RAP1GDS1: variants seen among roughly 807,000 people sequenced by gnomAD.
The protein encoded by RAP1GDS1 is Rap1 GTPase-GDP dissociation stimulator 1, also known as RAP1, GTP-GDP dissociation stimulator 1.
In RAP1GDS1, 35 loss-of-function variants were observed where a neutral mutation model predicts 71.1. The observed-to-expected ratio is 0.49, with a 90% CI of 0.38 to 0.65. The LOEUF (loss-of-function observed/expected upper bound fraction) is 0.65. Ranked by LOEUF, RAP1GDS1 falls within the 30% of genes least tolerant of loss-of-function variation. RAP1GDS1 has a pLI of 0.00. For missense variants in RAP1GDS1, 663 were observed against 706.1 expected, an observed-to-expected ratio of 0.94 and a Z score of 0.69; for synonymous variants, 229 against 243.1, an observed-to-expected ratio of 0.94 and a Z score of 0.54.
chr4:98,274,443 C>G (rs1723922100), intron 1 of RAP1GDS1, among the ~76,000 whole-genome samples: 1 of 152,076 alleles, frequency 6.6e-6, no homozygotes, highest in East Asian at 1.9e-4. Context: ...AATGTTTTCC[C>G]TACTGGTTCA....
At chr4:98,344,266 G>A (rs1249967860) in intron 3 of RAP1GDS1, among the ~76,000 whole-genome samples, 1 of 152,148 alleles carries the variant, frequency 6.6e-6, no homozygotes. Context: ...CATCTAAGAA[G>A]CAGATCTAGT....
intron 4 of RAP1GDS1, among the ~76,000 whole-genome samples, chr4:98,370,178 G>A (rs2110464594): frequency 6.6e-6 from 1 of 152,252 alleles, no homozygotes; most frequent in East Asian, 1.9e-4. Context: ...GAAACATAGT[G>A]AGCATTCAGA....
At chr4:98,289,530 C>T (rs568491497) in intron 1 of RAP1GDS1, among the ~76,000 whole-genome samples, 1 of 125,798 alleles carries the variant, frequency 7.9e-6, no homozygotes, top group East Asian at 2.4e-4. Flanking sequence ...AGTTTCTGAT[C>T]GGTTTAGGAC....
At chr4:98,266,482 T>TA (rs1487410108) in intron 1 of RAP1GDS1, among the ~76,000 whole-genome samples, 2 of 152,164 alleles carry the variant, frequency 1.3e-5, no homozygotes, top group African/African-American at 4.8e-5. Flanking sequence ...GTATCAAACT[T>TA]ATAGTCATTT....
At chr4:98,381,199 T>G (rs919008950) in intron 5 of RAP1GDS1, among the ~76,000 whole-genome samples, 4 of 151,570 alleles carry the variant, frequency 2.6e-5, no homozygotes, top group Admixed American at 6.6e-5. Context: ...AGACAAATGG[T>G]CTTTTTCTTC....
chr4:98,290,041 A>G (rs1311445600), intron 1 of RAP1GDS1, among the ~76,000 whole-genome samples: 1 of 152,128 alleles, frequency 6.6e-6, no homozygotes, highest in Non-Finnish European at 1.5e-5. Context: ...GAACTTTTAC[A>G]AGCTCAGTTA....
intron 5 of RAP1GDS1, among the ~76,000 whole-genome samples, chr4:98,389,386 A>G (rs931958449): frequency 6.6e-6 from 1 of 151,962 alleles, no homozygotes; most frequent in Admixed American, 6.6e-5. Flanking sequence ...AACAAATTTT[A>G]GAATTATTTG....
At chr4:98,364,694 AT>A (rs1739218699) in intron 4 of RAP1GDS1, among the ~76,000 whole-genome samples, 1 of 151,798 alleles carries the variant, frequency 6.6e-6, no homozygotes, top group African/African-American at 2.4e-5. Flanking sequence ...AACTTTTTAC[AT>A]TTTTCCAAGT....
chr4:98,359,135 T>C (rs72896356), intron 4 of RAP1GDS1, among the ~76,000 whole-genome samples: 1,902 of 152,162 alleles, frequency 0.012, 42 homozygotes, highest in African/African-American at 0.044. Flanking sequence ...CCTGTAATTT[T>C]TTCTCCCTCC....
chr4:98,322,448 C>G (rs958422129), intron 2 of RAP1GDS1, among the ~76,000 whole-genome samples: 6 of 120,522 alleles, frequency 5.0e-5, no homozygotes, highest in Admixed American at 3.6e-4. Flanking sequence ...ACTCTCCACC[C>G]CAAATCAGCA....
chr4:98,427,015 C>T (rs561255373), intron 12 of RAP1GDS1, among the ~76,000 whole-genome samples: 1 of 152,142 alleles, frequency 6.6e-6, no homozygotes, highest in Admixed American at 6.5e-5. Flanking sequence ...AAGAAGATAA[C>T]TCACCATGAT....
chr4:98,433,089 C>T (rs956672405), intron 12 of RAP1GDS1, among the ~76,000 whole-genome samples: 1 of 152,064 alleles, frequency 6.6e-6, no homozygotes, highest in African/African-American at 2.4e-5. Flanking sequence ...TCTCCTCTGT[C>T]ATGGAGAGAA....
intron 1 of RAP1GDS1, among the ~76,000 whole-genome samples, chr4:98,281,326 A>C (rs1395065494): frequency 6.6e-6 from 1 of 152,192 alleles, no homozygotes; most frequent in Non-Finnish European, 1.5e-5. Flanking sequence ...GAGGTCGTTC[A>C]CATCCCTTGT....
chr4:98,362,215 C>T (rs1056716319), intron 4 of RAP1GDS1, among the ~76,000 whole-genome samples: 2 of 152,110 alleles, frequency 1.3e-5, no homozygotes, highest in African/African-American at 4.8e-5. Context: ...TGTGGTGGCT[C>T]ACAGCTGTGA....
intron 1 of RAP1GDS1, among the ~76,000 whole-genome samples, chr4:98,264,688 C>A (rs1247291267): frequency 6.6e-6 from 1 of 151,922 alleles, no homozygotes; most frequent in African/African-American, 2.4e-5. Context: ...ATATAAAAGA[C>A]CTTTACATAT....
intron 9 of RAP1GDS1, among the ~76,000 whole-genome samples, chr4:98,417,930 T>A (rs1466488874): frequency 6.6e-6 from 1 of 152,162 alleles, no homozygotes; most frequent in Non-Finnish European, 1.5e-5. Flanking sequence ...TTTAATTTAG[T>A]TTAATAATGT....
intron 6 of RAP1GDS1, 44 bp downstream of exon 6, chr4:98,392,124 G>A (rs1375869601): frequency 1.3e-6 from 2 of 1,546,980 alleles, no homozygotes; most frequent in South Asian, 2.4e-5. Flanking sequence ...ACTTATTAAT[G>A]TGCTTACAAT....
intron 3 of RAP1GDS1, 36 bp from the exon 4 acceptor site, chr4:98,352,440 G>C (rs771600445): frequency 2.5e-5 from 40 of 1,600,474 alleles, no homozygotes; most frequent in Non-Finnish European, 3.2e-5. Flanking sequence ...ATTGTGAATC[G>C]TTAGATTTTT....
chr4:98,356,745 A>G (rs902012483), intron 4 of RAP1GDS1, among the ~76,000 whole-genome samples: 1 of 152,068 alleles, frequency 6.6e-6, no homozygotes. Flanking sequence ...GCTATCATAC[A>G]TAAGATAAAA....
Sources: allele counts gnomAD v4.1 joint callset (sites outside exome capture counted in the v4.1 genomes callset), GRCh38; gene constraint gnomAD v4.1.1; transcripts MANE v1.5; gene names NCBI Gene and HGNC (gene_info 2026-07-23, HGNC 2026-07-21).